Variants in KCND3 observed in about 807,000 individuals in gnomAD.
KCND3 encodes the protein A-type voltage-gated potassium channel KCND3.
In KCND3, 9 loss-of-function variants were observed where a neutral mutation model predicts 51.1. That is an observed-to-expected ratio of 0.18 (90% CI 0.11 to 0.31). The LOEUF (loss-of-function observed/expected upper bound fraction) is 0.31, where lower values mean the gene tolerates loss of function less well. Ranked by LOEUF, KCND3 falls within the 10% of genes least tolerant of loss-of-function variation. The probability of loss-of-function intolerance (pLI) is 1.00; values close to 1 mark genes in which losing one functional copy is unlikely to be tolerated. For missense variants in KCND3, 526 were observed against 903.8 expected, an observed-to-expected ratio of 0.58 and a Z score of 5.36; for synonymous variants, 349 against 368.0, an observed-to-expected ratio of 0.95 and a Z score of 0.59.
intron 2 of KCND3, among the ~76,000 whole-genome samples, chr1:111,812,708 A>AGTGTTTAT (rs1206270936): frequency 6.6e-6 from 1 of 152,210 alleles, no homozygotes; most frequent in Non-Finnish European, 1.5e-5. Flanking sequence ...AAACAGTAGA[A>AGTGTTTAT]GTGGGCCTCA....
chr1:111,808,010 C>T (rs1351546204), intron 2 of KCND3, among the ~76,000 whole-genome samples: 1 of 152,056 alleles, frequency 6.6e-6, no homozygotes, highest in Non-Finnish European at 1.5e-5. Context: ...AATTCTAGAA[C>T]TAAAAAGCAC....
chr1:111,851,720 G>C (rs1045509076), intron 2 of KCND3, among the ~76,000 whole-genome samples: 2 of 152,242 alleles, frequency 1.3e-5, no homozygotes, highest in African/African-American at 4.8e-5. Context: ...CCCCAACGCA[G>C]CACCTAGCAG....
intron 2 of KCND3, among the ~76,000 whole-genome samples, chr1:111,920,121 C>G (rs1164727714): frequency 5.9e-5 from 9 of 152,206 alleles, no homozygotes; most frequent in Admixed American, 1.3e-4. Flanking sequence ...CCCACCTGGC[C>G]CCTCCAGCTG....
chr1:111,913,399 G>T (rs1038955515), intron 2 of KCND3, among the ~76,000 whole-genome samples: 10 of 152,156 alleles, frequency 6.6e-5, no homozygotes, highest in African/African-American at 2.4e-4. Flanking sequence ...AACAGGTAGG[G>T]TCCTCAGAAA....
intron 2 of KCND3, among the ~76,000 whole-genome samples, chr1:111,894,294 C>G (rs1257668643): frequency 6.6e-6 from 1 of 152,192 alleles, no homozygotes; most frequent in African/African-American, 2.4e-5. Context: ...ATGTTCCTCT[C>G]CCCCTAGAAT....
At chr1:111,983,841 C>T (rs868783602) in intron 1 of KCND3, among the ~76,000 whole-genome samples, 18 of 152,200 alleles carry the variant, frequency 1.2e-4, no homozygotes, top group Admixed American at 6.5e-4. Context: ...TTCCCCATTA[C>T]CTGTGTGGAC....
chr1:111,857,778 C>T (rs1402879054), intron 2 of KCND3, among the ~76,000 whole-genome samples: 2 of 151,952 alleles, frequency 1.3e-5, no homozygotes, highest in East Asian at 1.9e-4. Flanking sequence ...AAAGAGCCCC[C>T]TCCTTGACTC....
intron 2 of KCND3, among the ~76,000 whole-genome samples, chr1:111,874,409 G>T (rs1668958594): frequency 6.6e-6 from 1 of 152,176 alleles, no homozygotes; most frequent in African/African-American, 2.4e-5. Context: ...ACTTCCAGAA[G>T]TTCTTTTCTT....
intron 2 of KCND3, among the ~76,000 whole-genome samples, chr1:111,843,163 G>A (rs1667402751): frequency 6.6e-6 from 1 of 152,146 alleles, no homozygotes; most frequent in East Asian, 1.9e-4. Flanking sequence ...TGGGTTCTGT[G>A]GAGTGGATGA....
At chr1:111,987,008 A>C (rs1298255560) in intron 1 of KCND3, among the ~76,000 whole-genome samples, 1 of 152,200 alleles carries the variant, frequency 6.6e-6, no homozygotes, top group Non-Finnish European at 1.5e-5. Context: ...AATAAAGCTC[A>C]GAGAGGCAGA....
rs528848826 is a variant in KCND3, at chr1:111,853,595, C to G, written c.1107-66489G>C. Among the ~76,000 whole-genome samples the G allele has an allele frequency of 3.3e-5, 5 of 152,300 alleles. No homozygotes were observed. In the South Asian group the frequency reaches 1.0e-3, roughly 32 times the overall value. ...GCCTCATTCTTTGCTTTGTGTTGTT[C>G]ATAACACTCATTATCTTTTCACACA... On this transcript the variant is annotated intron_variant, in intron 2 of 7. Coordinates refer to ENST00000302127, the MANE Select transcript of KCND3 (RefSeq NM_001378969.1).
At chr1:111,951,839 C>T (rs111524201) in intron 2 of KCND3, among the ~76,000 whole-genome samples, 173 of 152,222 alleles carry the variant, frequency 1.1e-3, no homozygotes, top group Middle Eastern at 3.4e-3. Context: ...GGGAGAAGTT[C>T]CAAAGGAACA....
intron 2 of KCND3, among the ~76,000 whole-genome samples, chr1:111,921,392 A>G (rs997329833): frequency 2.0e-5 from 3 of 152,122 alleles, no homozygotes; most frequent in Non-Finnish European, 4.4e-5. Context: ...CGGTTAACAG[A>G]CCCCATCTCA....
chr1:111,808,633 G>A (rs1263588899), intron 2 of KCND3, among the ~76,000 whole-genome samples: 1 of 152,242 alleles, frequency 6.6e-6, no homozygotes, highest in Non-Finnish European at 1.5e-5. Flanking sequence ...TAAACAGGGA[G>A]CATGCACAAG....
intron 2 of KCND3, among the ~76,000 whole-genome samples, chr1:111,857,292 G>A (rs1268801053): frequency 6.6e-6 from 1 of 152,204 alleles, no homozygotes; most frequent in East Asian, 1.9e-4. Flanking sequence ...TGGGCGTGGG[G>A]TCACAGCGCG....
Position 111,777,106 on chromosome 1 carries a change from C to T in KCND3, c.1686G>A (p.Leu562=). Residue 562 remains leucine, a synonymous_variant, in exon 7 of 8, where the codon CTG becomes CTA. Transcript: ENST00000302127. ...GCATGCTGCGCAGGCGAGTAGCTGG[C>T]AGGTTAGAATTGGGCAGGTGTGTGG... The part of the protein sequence containing the change: ...KKTTHLPNSN[L]PATRLRSMQE... 2.5e-6 allele frequency: 4 copies of T among 1,614,046 alleles called. No homozygotes were observed. The highest frequency in any genetic ancestry group is 1.3e-5 in the African/African-American group (1 of 75,014).
intron 2 of KCND3, among the ~76,000 whole-genome samples, chr1:111,923,880 G>A (rs1671584894): frequency 6.6e-6 from 1 of 152,196 alleles, no homozygotes; most frequent in Non-Finnish European, 1.5e-5. Flanking sequence ...GGGGTGGGCA[G>A]AAATGCTGCT....
intron 2 of KCND3, among the ~76,000 whole-genome samples, chr1:111,839,155 T>C (rs1667212658): frequency 6.6e-6 from 1 of 152,248 alleles, no homozygotes; most frequent in African/African-American, 2.4e-5. Flanking sequence ...AAAAAGCTGT[T>C]TCCAGTCTTT....
At chr1:111,781,436 G>A (rs1301044457) in intron 3 of KCND3, among the ~76,000 whole-genome samples, 1 of 152,162 alleles carries the variant, frequency 6.6e-6, no homozygotes, top group East Asian at 1.9e-4. Flanking sequence ...TGTACCCCCA[G>A]TAAACAGTAG....
Sources: gnomAD v4.1 joint callset for allele counts (sites outside exome capture counted in the v4.1 genomes callset) on GRCh38, gnomAD v4.1.1 for gene constraint, MANE v1.5 for transcripts, NCBI Gene and HGNC (gene_info 2026-07-23, HGNC 2026-07-21) for gene names.